GPC6: variants seen among roughly 807,000 people sequenced by gnomAD.
GPC6 encodes glypican 6.
GPC6 carries 14 observed loss-of-function variants against 55.2 expected under a neutral mutation model. The observed-to-expected ratio is 0.25, with a 90% CI of 0.17 to 0.40. The LOEUF (loss-of-function observed/expected upper bound fraction) is 0.40, where lower values mean the gene tolerates loss of function less well. GPC6 is among the 10% of genes least tolerant of loss of function. The probability of loss-of-function intolerance (pLI) is 1.00; values close to 1 mark genes in which losing one functional copy is unlikely to be tolerated. For missense variants in GPC6, 641 were observed against 708.5 expected (o/e 0.90, Z 1.08); for synonymous variants, 278 against 259.6 (o/e 1.07, Z -0.68).
rs73545567 is a variant in GPC6, at chr13:93,726,741, G to T, written c.320-103413G>T. Among the ~76,000 whole-genome samples, 1,159 of 152,044 alleles carry T rather than the reference G, an allele frequency of 7.6e-3. 15 individuals carry two copies. The highest frequency in any genetic ancestry group is 0.027 in the African/African-American group (1,116 of 41,490). ...TAATTTCTTTTTTGTAGTTATCCCT[G>T]CACAATGGCCTCCATCTTCCCATTC... On this transcript the variant is annotated intron_variant, in intron 2 of 8. Coordinates refer to ENST00000377047, the MANE Select transcript of GPC6 (RefSeq NM_005708.5).
chr13:93,908,312 C>G lies in GPC6; in HGVS notation c.711+77767C>G, dbSNP rs558706871. On this transcript the variant is annotated intron_variant, in intron 3 of 8. Coordinates refer to ENST00000377047, the MANE Select transcript of GPC6 (RefSeq NM_005708.5). ...GTCAAGGTCAGATAAGGACAAGAGT[C>G]TGAATAGAAATGATTTTCAAAGTCT... Among the ~76,000 whole-genome samples, 3 of 152,220 alleles carry G rather than the reference C, an allele frequency of 2.0e-5. No individual in the cohort carries two copies. In the South Asian group the frequency reaches 6.2e-4, roughly 32 times the overall value.
intron 4 of GPC6, among the ~76,000 whole-genome samples, chr13:94,097,788 A>G (rs1301537556): frequency 6.6e-6 from 1 of 152,208 alleles, no homozygotes; most frequent in Non-Finnish European, 1.5e-5. Flanking sequence ...TTCCCCCAGT[A>G]GCCATCAAAT....
intron 1 of GPC6, among the ~76,000 whole-genome samples, chr13:93,446,667 T>C (rs140063041): frequency 1.1e-3 from 167 of 152,342 alleles, no homozygotes; most frequent in African/African-American, 3.6e-3. Flanking sequence ...TTTAAGACAC[T>C]GCTCAGGATG....
At chr13:94,300,648 A>G (rs779407562) in intron 5 of GPC6, among the ~76,000 whole-genome samples, 4 of 152,162 alleles carry the variant, frequency 2.6e-5, no homozygotes, top group Non-Finnish European at 4.4e-5. Flanking sequence ...TGCTTTGTAC[A>G]TCTGTAGCAT....
chr13:94,205,747 G>C (rs1476105751), intron 4 of GPC6, among the ~76,000 whole-genome samples: 2 of 152,154 alleles, frequency 1.3e-5, no homozygotes, highest in Non-Finnish European at 2.9e-5. Context: ...TGAGAGCAGG[G>C]AGAATACGTT....
intron 4 of GPC6, among the ~76,000 whole-genome samples, chr13:94,228,562 GA>G (rs1890625386): frequency 6.6e-6 from 1 of 152,028 alleles, no homozygotes; most frequent in Non-Finnish European, 1.5e-5. Context: ...TAATAAGGCA[GA>G]AGGAGTGTGA....
chr13:93,639,742 C>G (rs1217921232), intron 2 of GPC6, among the ~76,000 whole-genome samples: 1 of 152,152 alleles, frequency 6.6e-6, no homozygotes, highest in Non-Finnish European at 1.5e-5. Flanking sequence ...AATGAATATT[C>G]TCTTTCAAAA....
At position 93,639,147 on chromosome 13, in the gene GPC6, G is replaced by T. The variant is rs1355581676; in HGVS notation, c.319+93726G>T. Among the ~76,000 whole-genome samples the T allele has an allele frequency of 2.0e-5, 3 of 151,982 alleles. No homozygotes were observed. The South Asian group carries it at 6.2e-4, about 32-fold the overall frequency. ...ACACAGGGAAAATAAAGCAAGGAGGGGTAAAAAAATGAAATGGAGCAAGGG... is the reference window on the plus strand; with the variant it reads ...ACACAGGGAAAATAAAGCAAGGAGGTGTAAAAAAATGAAATGGAGCAAGGG... On this transcript the variant is annotated intron_variant, in intron 2 of 8. Coordinates refer to ENST00000377047, the MANE Select transcript of GPC6 (RefSeq NM_005708.5).
intron 4 of GPC6, among the ~76,000 whole-genome samples, chr13:94,282,455 T>C (rs190221339): frequency 6.6e-6 from 1 of 152,262 alleles, no homozygotes; most frequent in Admixed American, 6.5e-5. Flanking sequence ...TTCAATTATC[T>C]CCCACTAGGT....
chr13:94,022,036 T>C (rs1046289533), intron 3 of GPC6, among the ~76,000 whole-genome samples: 2 of 152,100 alleles, frequency 1.3e-5, no homozygotes, highest in African/African-American at 4.8e-5. Flanking sequence ...AAATGGTTAC[T>C]GTAGTGGAAC....
chr13:94,303,751 T>C (rs1167689229), intron 5 of GPC6, among the ~76,000 whole-genome samples: 2 of 130,136 alleles, frequency 1.5e-5, no homozygotes, highest in Admixed American at 1.6e-4. Context: ...TGTTCTGTAA[T>C]AATTAACTCC....
intron 6 of GPC6, among the ~76,000 whole-genome samples, chr13:94,335,449 C>A (rs1877632459): frequency 6.6e-6 from 1 of 152,082 alleles, no homozygotes; most frequent in African/African-American, 2.4e-5. Context: ...CAAACATATT[C>A]AAAAAGGTCC....
chr13:93,717,638 T>C (rs906067829), intron 2 of GPC6, among the ~76,000 whole-genome samples: 1 of 151,656 alleles, frequency 6.6e-6, no homozygotes, highest in African/African-American at 2.4e-5. Flanking sequence ...TTATACTTTA[T>C]GTTCTGGGAT....
intron 1 of GPC6, among the ~76,000 whole-genome samples, chr13:93,379,419 G>A (rs756611147): frequency 6.6e-6 from 1 of 152,120 alleles, no homozygotes; most frequent in Non-Finnish European, 1.5e-5. Context: ...GCAGATGGAT[G>A]AAAATAAGTG....
intron 2 of GPC6, among the ~76,000 whole-genome samples, chr13:93,552,166 T>G (rs887693877): frequency 6.6e-6 from 1 of 152,178 alleles, no homozygotes; most frequent in African/African-American, 2.4e-5. Flanking sequence ...GAAATCAGAA[T>G]GCGCTGAACT....
intron 3 of GPC6, among the ~76,000 whole-genome samples, chr13:93,854,629 A>G (rs1227321406): frequency 6.6e-6 from 1 of 151,760 alleles, no homozygotes; most frequent in Non-Finnish European, 1.5e-5. Context: ...ATTTTTAAGA[A>G]GCATCTACAT....
intron 4 of GPC6, among the ~76,000 whole-genome samples, chr13:94,055,561 A>G (rs984348717): frequency 2.0e-5 from 3 of 152,212 alleles, no homozygotes; most frequent in Admixed American, 2.0e-4. Context: ...TATAGTTCAA[A>G]GAGAAATGTA....
chr13:93,584,339 G>C (rs569970784), intron 2 of GPC6, among the ~76,000 whole-genome samples: 2 of 152,214 alleles, frequency 1.3e-5, no homozygotes, highest in Admixed American at 6.5e-5. Context: ...GGTATCTTTG[G>C]GGGGGTCCCA....
At chr13:94,021,260 G>GTATATATATA (rs57597417) in intron 3 of GPC6, among the ~76,000 whole-genome samples, 13 of 146,272 alleles carry the variant, frequency 8.9e-5, no homozygotes, top group South Asian at 8.7e-4. Context: ...TTCATTGTGT[G>GTATATATATA]TATATATATA....
Sources: allele counts gnomAD v4.1 joint callset (sites outside exome capture counted in the v4.1 genomes callset), GRCh38; gene constraint gnomAD v4.1.1; transcripts MANE v1.5; gene names NCBI Gene and HGNC (gene_info 2026-07-23, HGNC 2026-07-21).